The following ABCA5 variants were observed in gnomAD, a reference collection of about 807,000 sequenced individuals.
The protein encoded by ABCA5 is ATP binding cassette subfamily A member 5.
A neutral mutation model predicts 206.0 loss-of-function variants in ABCA5; 163 were observed. That is an observed-to-expected ratio of 0.79 (90% CI 0.70 to 0.90). The LOEUF (loss-of-function observed/expected upper bound fraction) is 0.90, where lower values mean the gene tolerates loss of function less well. ABCA5 is among the 40% of genes least tolerant of loss of function. The pLI, the probability that ABCA5 is intolerant of heterozygous loss-of-function variation, is 0.00. For missense variants in ABCA5, 1,859 were observed against 1,912.9 expected (o/e 0.97, Z 0.53); for synonymous variants, 609 against 613.8 (o/e 0.99, Z 0.11).
At chr17:69,295,907 C>G (rs937655567) in intron 10 of ABCA5, among the ~76,000 whole-genome samples, 1 of 151,992 alleles carries the variant, frequency 6.6e-6, no homozygotes, top group African/African-American at 2.4e-5. Context: ...TGGTGTAGTT[C>G]AAACTTGTAT....
chr17:69,286,619 AAAGG>A, intron 15 of ABCA5, among the ~76,000 whole-genome samples: 1 of 152,316 alleles, frequency 6.6e-6, no homozygotes, highest in South Asian at 2.1e-4. Context: ...ATTTTTCCTA[AAAGG>A]CTTACCAATA....
At chr17:69,293,886 T>TGTGTGTGTGTGTTTG (rs1567771944) in intron 11 of ABCA5, among the ~76,000 whole-genome samples, 1 of 64,824 alleles carries the variant, frequency 1.5e-5, no homozygotes, top group African/African-American at 5.5e-5. Context: ...GTGTGTGTGT[T>TGTGTGTGTGTGTTTG]TGTGTGTGTG....
chr17:69,252,797 A>G (rs2075031230), intron 34 of ABCA5, among the ~76,000 whole-genome samples: 1 of 147,328 alleles, frequency 6.8e-6, no homozygotes, highest in African/African-American at 2.5e-5. Context: ...AGACGGCACC[A>G]CTGCACTCCA....
chr17:69,254,221 T>C (rs529950631), intron 32 of ABCA5, 94 bp downstream of exon 32: 98 of 1,031,040 alleles, frequency 9.5e-5, no homozygotes, highest in Admixed American at 1.5e-4. Flanking sequence ...ATAAAAATCA[T>C]TGTCCACAGA....
Position 69,303,531 on chromosome 17 carries a change from A to C in ABCA5, c.931-625T>G, listed in dbSNP as rs543901930. 5.3e-5 allele frequency among the ~76,000 whole-genome samples: 8 copies of C among 151,304 alleles called. No individual in the cohort carries two copies. The East Asian group carries it at 1.6e-3, about 29-fold the overall frequency. On this transcript the variant is annotated intron_variant, in intron 7 of 38. Coordinates refer to ENST00000392676, the MANE Select transcript of ABCA5 (RefSeq NM_172232.4). ...GTGTTTCTGCAGTAAGATGCATAAA[A>C]TATGTGAAAAAATAATAAATCAACA...
Position 69,245,240 on chromosome 17 carries a change from T to C in ABCA5, c.*2297A>G, listed in dbSNP as rs973295236. 1 of 151,978 alleles carries C rather than the reference T, an allele frequency of 6.6e-6. No individual in the cohort carries two copies. Among genetic ancestry groups the C allele is most frequent in the African/African-American group, 2.4e-5 (1 of 41,448 alleles). 9.4% of individuals were successfully genotyped at this position (151,978 alleles called of 1,614,324 possible). On this transcript the variant is annotated 3_prime_UTR_variant, in exon 39 of 39. Coordinates refer to ENST00000392676, the MANE Select transcript of ABCA5 (RefSeq NM_172232.4). The stretch of plus-strand genomic sequence containing the variant: ...TAAAGTACACTCATCATGTTTTTTC[T>C]TGCCTTATTAGTCAGTAAACACTCA...
At chr17:69,324,973 T>C (rs2075887568) in intron 1 of ABCA5, among the ~76,000 whole-genome samples, 1 of 152,122 alleles carries the variant, frequency 6.6e-6, no homozygotes, top group Non-Finnish European at 1.5e-5. Context: ...GGATAAATTA[T>C]AAATGCTCTC....
At chr17:69,294,971 T>A (rs980627494) in intron 10 of ABCA5, among the ~76,000 whole-genome samples, 2 of 152,126 alleles carry the variant, frequency 1.3e-5, no homozygotes, top group African/African-American at 4.8e-5. Context: ...CCCCTAAAAC[T>A]AATCTATTAA....
intron 4 of ABCA5, 132 bp from the exon 5 acceptor site, chr17:69,308,500 TACTG>T (rs2075741452): frequency 2.0e-6 from 1 of 497,960 alleles, no homozygotes; most frequent in South Asian, 4.7e-5. Flanking sequence ...AGAAATAAGC[TACTG>T]ACTTTCAAAG....
At chr17:69,315,870 A>C (rs1284977296) in intron 1 of ABCA5, among the ~76,000 whole-genome samples, 3 of 152,150 alleles carry the variant, frequency 2.0e-5, no homozygotes, top group Non-Finnish European at 4.4e-5. Context: ...ATTATCTGAT[A>C]AAACTTTTAA....
At chr17:69,259,834 A>T in intron 27 of ABCA5, 37 bp from the exon 28 acceptor site, 1 of 1,333,646 alleles carries the variant, frequency 7.5e-7, no homozygotes, top group Non-Finnish European at 1.0e-6. Context: ...TGACTAAAAG[A>T]TTTGTTGTTG....
chr17:69,298,221 A>AAGGTAGGTAGGTAGGTAGGT (rs757307976), intron 9 of ABCA5, among the ~76,000 whole-genome samples: 16 of 69,100 alleles, frequency 2.3e-4, no homozygotes, highest in South Asian at 1.2e-3. Context: ...GGAAGGAAGG[A>AAGGTAGGTAGGTAGGTAGGT]AGGTAGGTAG....
rs199643426 is a variant in ABCA5 at position 69,264,812 on chromosome 17, T to C, written c.3238A>G (p.Ile1080Val). The C allele has an allele frequency of 1.9e-6, 3 of 1,600,386 alleles. No individual in the cohort carries two copies. In the East Asian group the frequency reaches 6.8e-5, roughly 36 times the overall value. The change falls in exon 24 of 39, where the codon ATT (isoleucine) becomes GTT (valine). Residue 1080 changes from isoleucine (I) to valine (V), a missense_variant. Physicochemically the swap from Ile to Val is conservative, Grantham distance 29. Coordinates refer to ENST00000392676, the MANE Select transcript of ABCA5 (RefSeq NM_172232.4). ...AAGCTTCCTAGCATCAAAATAAGAA[T>C]GATAAAAAATAAGGGGATATCAACA... is the stretch of plus-strand genomic sequence containing the variant. ...AVVDIPLFFI[I>V]LILMLGSLLA...
intron 3 of ABCA5, among the ~76,000 whole-genome samples, chr17:69,311,660 T>G (rs1221063244): frequency 2.0e-5 from 3 of 152,050 alleles, no homozygotes; most frequent in Non-Finnish European, 4.4e-5. Flanking sequence ...TGGATAATTT[T>G]TTTGTATTTT....
At position 69,309,825 on chromosome 17, in the gene ABCA5, G is replaced by A. The variant is rs553253219; in HGVS notation, c.308-402C>T. Among the ~76,000 whole-genome samples the A allele has an allele frequency of 1.2e-4, 19 of 152,172 alleles. No individual in the cohort carries two copies. The East Asian group carries it at 3.5e-3, about 28-fold the overall frequency. Reference sequence around the variant, plus strand: ...ACTGCACTCCAGCTTAGGCAACAGAGTGAGACCATGTCTCAAAAAAAACAA... The same window carrying A: ...ACTGCACTCCAGCTTAGGCAACAGAATGAGACCATGTCTCAAAAAAAACAA... On this transcript the variant is annotated intron_variant, in intron 3 of 38. Transcript: ENST00000392676.
At position 69,309,257 on chromosome 17, in the gene ABCA5, T is replaced by C; in HGVS notation, c.469+5A>G. On this transcript the variant is annotated splice_donor_5th_base_variant and intron_variant, in intron 4 of 38. Coordinates refer to ENST00000392676, the MANE Select transcript of ABCA5 (RefSeq NM_172232.4). Reference sequence around the variant, plus strand: ...GATCTTCAATGATTATGTAGGGCTATTTACCTCTTGAATCCATATAAATAG... The same window carrying C: ...GATCTTCAATGATTATGTAGGGCTACTTACCTCTTGAATCCATATAAATAG... The C allele has an allele frequency of 1.3e-6, 2 of 1,555,068 alleles. No individual in the cohort carries two copies. The highest frequency in any genetic ancestry group is 1.7e-6 in the Non-Finnish European group (2 of 1,158,112).
At chr17:69,261,883 GT>G (rs539489610) in intron 24 of ABCA5, 135 bp from the exon 25 acceptor site, 2 of 402,640 alleles carry the variant, frequency 5.0e-6, no homozygotes, top group South Asian at 9.4e-5. Flanking sequence ...ACTACTTGTA[GT>G]TTTTTGTACC....
intron 3 of ABCA5, among the ~76,000 whole-genome samples, chr17:69,311,000 C>T (rs956440461): frequency 6.6e-6 from 1 of 152,052 alleles, no homozygotes; most frequent in African/African-American, 2.4e-5. Context: ...TTGAGACCAG[C>T]CTAGGTAGCA....
At chr17:69,268,692 C>A (rs77760694) in intron 22 of ABCA5, 2 of 152,334 alleles carry the variant, frequency 1.3e-5, no homozygotes, top group East Asian at 3.9e-4. Flanking sequence ...AGGTCAGTTT[C>A]CTCCCCTTGT....
Sources: gnomAD v4.1 joint callset for allele counts (sites outside exome capture counted in the v4.1 genomes callset) on GRCh38, gnomAD v4.1.1 for gene constraint, MANE v1.5 for transcripts, NCBI Gene and HGNC (gene_info 2026-07-23, HGNC 2026-07-21) for gene names.